GRIP1: variants seen among roughly 807,000 people sequenced by gnomAD.
GRIP1 encodes glutamate receptor-interacting protein 1.
A neutral mutation model predicts 129.9 loss-of-function variants in GRIP1; 45 were observed. The observed-to-expected ratio is 0.35, with a 90% CI of 0.27 to 0.44. GRIP1 has a LOEUF of 0.44. Among genes scored for constraint, GRIP1 ranks in the 20% least tolerant of loss-of-function variants. The pLI is 1.00. For synonymous variants in GRIP1, 530 were observed against 520.8 expected, an observed-to-expected ratio of 1.02 and a Z score of -0.24; for missense variants, 1,196 against 1,396.8, an observed-to-expected ratio of 0.86 and a Z score of 2.29.
intron 1 of GRIP1, among the ~76,000 whole-genome samples, chr12:67,022,027 C>G (rs2042874627): frequency 6.6e-6 from 1 of 152,060 alleles, no homozygotes; most frequent in Non-Finnish European, 1.5e-5. Context: ...TGTGTATGTA[C>G]CACATTTTCT....
intron 16 of GRIP1, among the ~76,000 whole-genome samples, chr12:66,401,861 G>T (rs1316555579): frequency 6.6e-6 from 1 of 152,010 alleles, no homozygotes; most frequent in East Asian, 1.9e-4. Flanking sequence ...AGACTCTCTT[G>T]AATGGCTCAT....
intron 24 of GRIP1, among the ~76,000 whole-genome samples, chr12:66,350,123 C>T (rs1445027718): frequency 6.6e-6 from 1 of 152,138 alleles, no homozygotes; most frequent in Non-Finnish European, 1.5e-5. Flanking sequence ...GTTCTACAAC[C>T]CCACTTCGTT....
intron 1 of GRIP1, among the ~76,000 whole-genome samples, chr12:66,667,607 A>T (rs1013591241): frequency 2.0e-5 from 3 of 152,150 alleles, no homozygotes; most frequent in African/African-American, 7.2e-5. Flanking sequence ...TCACTGGCAG[A>T]CTTCACCCAA....
chr12:66,616,949 T>C lies in GRIP1; in HGVS notation c.56-20022A>G, dbSNP rs377296433. Among the ~76,000 whole-genome samples, 79 of 152,122 alleles carry C rather than the reference T, an allele frequency of 5.2e-4. No individual in the cohort carries two copies. In the South Asian group the frequency reaches 0.015, roughly 28 times the overall value. ...AAATCAAAATACCCATCTACTAGAA[T>C]AAATCACAAGGGCCTCGGGCGTGCA... On this transcript the variant is annotated intron_variant, in intron 1 of 24. Coordinates refer to ENST00000359742, the MANE Select transcript of GRIP1 (RefSeq NM_001366722.1).
intron 2 of GRIP1, among the ~76,000 whole-genome samples, chr12:66,566,985 T>G (rs1245631377): frequency 6.6e-6 from 1 of 152,170 alleles, no homozygotes; most frequent in Non-Finnish European, 1.5e-5. Context: ...GATATCCCCT[T>G]TATCATTTTT....
rs759526656 is a variant in GRIP1 at position 66,723,202 on chromosome 12, T to TTTTC, written c.-420+80847_-420+80850dup. On this transcript the variant is annotated intron_variant, in intron 1 of 4. Transcript: ENST00000538373. Reference sequence around the variant, plus strand: ...CTTCCACCTAGGGTTTTTCATCTTCTTTTCTTTCTTTCTTTCTTTCTTTCT... The same window carrying TTTTC: ...CTTCCACCTAGGGTTTTTCATCTTCTTTTCTTTCTTTCTTTCTTTCTTTCTTTCT... 8.6e-4 allele frequency among the ~76,000 whole-genome samples: 50 copies of TTTTC among 58,044 alleles called. 2 individuals carry two copies. The highest frequency in any genetic ancestry group is 1.9e-3 in the South Asian group (3 of 1,618). 38.1% of individuals were successfully genotyped at this position (58,044 alleles called of 152,430 possible).
At chr12:66,476,080 T>C (rs535873448) in intron 7 of GRIP1, among the ~76,000 whole-genome samples, 1 of 152,014 alleles carries the variant, frequency 6.6e-6, no homozygotes, top group Admixed American at 6.6e-5. Context: ...GAATCCAGGA[T>C]CTGGTTTTTT....
At chr12:66,516,430 CA>C (rs1454429220) in intron 6 of GRIP1, among the ~76,000 whole-genome samples, 12 of 152,048 alleles carry the variant, frequency 7.9e-5, no homozygotes, top group African/African-American at 2.9e-4. Flanking sequence ...GGGAGGGGCA[CA>C]AAAATAAGAA....
At chr12:66,864,375 A>G (rs1231837283) in intron 1 of GRIP1, among the ~76,000 whole-genome samples, 2 of 152,088 alleles carry the variant, frequency 1.3e-5, no homozygotes, top group African/African-American at 4.8e-5. Context: ...AGGTCGACAA[A>G]GATCAGTCAT....
At chr12:66,579,456 T>C (rs2063284444) in intron 2 of GRIP1, among the ~76,000 whole-genome samples, 1 of 152,078 alleles carries the variant, frequency 6.6e-6, no homozygotes, top group Admixed American at 6.5e-5. Flanking sequence ...ACGATCAAAC[T>C]ACGAGCTACA....
At chr12:66,692,552 A>C (rs971168959) in intron 1 of GRIP1, among the ~76,000 whole-genome samples, 1 of 152,182 alleles carries the variant, frequency 6.6e-6, no homozygotes, top group African/African-American at 2.4e-5. Context: ...TTTAAAAAAA[A>C]ACAAAGATTG....
rs1213526660 is a variant in GRIP1 at position 66,527,065 on chromosome 12, T to C, written c.502+2766A>G. Among the ~76,000 whole-genome samples, 3 of 145,704 alleles carry C rather than the reference T, an allele frequency of 2.1e-5. No homozygotes were observed. In the East Asian group the frequency reaches 5.8e-4, roughly 28 times the overall value. ...GGATGTGGAGAAATAGGAACATTTT[T>C]ACACTGTTGGTGGGACTGTAAACTA... On this transcript the variant is annotated intron_variant, in intron 5 of 24. Coordinates refer to ENST00000359742, the MANE Select transcript of GRIP1 (RefSeq NM_001366722.1).
At chr12:66,728,056 T>C (rs762060759) in intron 1 of GRIP1, among the ~76,000 whole-genome samples, 63 of 152,252 alleles carry the variant, frequency 4.1e-4, no homozygotes, top group Non-Finnish European at 6.5e-4. Flanking sequence ...AAAGACCAGA[T>C]GCTAGAAAGA....
intron 1 of GRIP1, among the ~76,000 whole-genome samples, chr12:66,930,180 T>C (rs2041368030): frequency 6.7e-6 from 1 of 150,106 alleles, no homozygotes; most frequent in South Asian, 2.2e-4. Flanking sequence ...TATGTATACA[T>C]GTGCCATGCT....
At chr12:66,526,689 TA>T (rs991068625) in intron 5 of GRIP1, among the ~76,000 whole-genome samples, 6 of 150,688 alleles carry the variant, frequency 4.0e-5, no homozygotes, top group East Asian at 3.9e-4. Context: ...GGGATCTAAT[TA>T]AACTAAAGAG....
At chr12:66,796,212 C>T (rs758579517) in intron 1 of GRIP1, among the ~76,000 whole-genome samples, 2 of 152,032 alleles carry the variant, frequency 1.3e-5, no homozygotes, top group African/African-American at 2.4e-5. Flanking sequence ...TGGCCACAGT[C>T]GTCTTTTACC....
chr12:66,713,220 G>A (rs1411287190), intron 1 of GRIP1, among the ~76,000 whole-genome samples: 2 of 151,904 alleles, frequency 1.3e-5, no homozygotes, highest in Non-Finnish European at 2.9e-5. Flanking sequence ...CAGTAAACTT[G>A]TTTACTCAGA....
At chr12:66,483,333 AT>A (rs1386933716) in intron 7 of GRIP1, among the ~76,000 whole-genome samples, 10 of 152,180 alleles carry the variant, frequency 6.6e-5, no homozygotes, top group South Asian at 6.2e-4. Flanking sequence ...TTGCTGATTT[AT>A]TTTTTTTCTA....
chr12:66,957,132 G>T (rs997679385), intron 1 of GRIP1, among the ~76,000 whole-genome samples: 1 of 151,982 alleles, frequency 6.6e-6, no homozygotes, highest in Non-Finnish European at 1.5e-5. Context: ...TTAAAATACG[G>T]TCACTAGGAA....
Sources: allele counts gnomAD v4.1 joint callset (sites outside exome capture counted in the v4.1 genomes callset), GRCh38; gene constraint gnomAD v4.1.1; transcripts MANE v1.5; gene names NCBI Gene and HGNC (gene_info 2026-07-23, HGNC 2026-07-21).